DYM: variants seen among roughly 807,000 people sequenced by gnomAD.
The protein encoded by DYM is dyggve-Melchior-Clausen syndrome protein.
DYM carries 78 observed loss-of-function variants against 93.1 expected under a neutral mutation model. The observed-to-expected ratio is 0.84, with a 90% CI of 0.70 to 1.01. The LOEUF (loss-of-function observed/expected upper bound fraction) is 1.01, where lower values mean the gene tolerates loss of function less well. DYM is among the 50% of genes least tolerant of loss of function. DYM has a pLI of 0.00. For synonymous variants in DYM, 321 were observed against 319.7 expected, an observed-to-expected ratio of 1.00 and a Z score of -0.04; for missense variants, 789 against 845.0, an observed-to-expected ratio of 0.93 and a Z score of 0.82.
At chr18:49,124,779 G>A (rs996668020) in intron 15 of DYM, among the ~76,000 whole-genome samples, 1 of 152,162 alleles carries the variant, frequency 6.6e-6, no homozygotes, top group African/African-American at 2.4e-5. Context: ...TATACTGTGG[G>A]AGGTTACAGC....
chr18:49,402,014 G>C (rs1323611784), intron 2 of DYM, among the ~76,000 whole-genome samples: 5 of 143,560 alleles, frequency 3.5e-5, no homozygotes, highest in African/African-American at 1.3e-4. Flanking sequence ...CAACAAGAGC[G>C]AAACTCTGTC....
chr18:49,426,611 A>G (rs2074316763), intron 2 of DYM, among the ~76,000 whole-genome samples: 1 of 152,140 alleles, frequency 6.6e-6, no homozygotes, highest in Non-Finnish European at 1.5e-5. Flanking sequence ...GGAAAAGGAA[A>G]TACCAATACC....
intron 5 of DYM, 25 bp from the exon 6 acceptor site, chr18:49,363,258 T>TC (rs756788572): frequency 1.3e-6 from 2 of 1,585,036 alleles, no homozygotes; most frequent in East Asian, 4.5e-5. Flanking sequence ...AAAAAGATTT[T>TC]TTTTTAACAA....
chr18:49,093,834 G>A (rs1003718289), intron 17 of DYM, among the ~76,000 whole-genome samples: 1 of 152,140 alleles, frequency 6.6e-6, no homozygotes, highest in Non-Finnish European at 1.5e-5. Flanking sequence ...CTGAATAGGA[G>A]CAAAGTGAAA....
At chr18:49,354,383 T>C (rs1261983066) in intron 6 of DYM, among the ~76,000 whole-genome samples, 1 of 152,032 alleles carries the variant, frequency 6.6e-6, no homozygotes, top group Non-Finnish European at 1.5e-5. Flanking sequence ...AATTTTAAAA[T>C]TTAAAGTTTC....
At chr18:49,083,251 G>A (rs968532193) in intron 17 of DYM, among the ~76,000 whole-genome samples, 2 of 152,160 alleles carry the variant, frequency 1.3e-5, no homozygotes, top group African/African-American at 2.4e-5. Context: ...TTGATTCTTG[G>A]TCTATTAAAA....
At chr18:49,179,914 T>G (rs1029495124) in intron 14 of DYM, among the ~76,000 whole-genome samples, 4 of 152,152 alleles carry the variant, frequency 2.6e-5, no homozygotes, top group Non-Finnish European at 4.4e-5. Flanking sequence ...CTGTTGAACT[T>G]CTTTAAAGTT....
chr18:49,405,577 T>C (rs1033478719), intron 2 of DYM, among the ~76,000 whole-genome samples: 3 of 152,178 alleles, frequency 2.0e-5, no homozygotes, highest in African/African-American at 7.2e-5. Context: ...GGGTTCTCTA[T>C]TCTGTTCCAT....
chr18:49,450,004 T>A (rs184895256), intron 1 of DYM, among the ~76,000 whole-genome samples: 1 of 152,318 alleles, frequency 6.6e-6, no homozygotes, highest in Admixed American at 6.5e-5. Context: ...ATAAAAACAG[T>A]GAAATGTGTT....
At chr18:49,083,582 C>T (rs867307167) in intron 17 of DYM, among the ~76,000 whole-genome samples, 3 of 152,154 alleles carry the variant, frequency 2.0e-5, no homozygotes, top group Non-Finnish European at 4.4e-5. Flanking sequence ...GTAGGATTCA[C>T]ATTATTTCTT....
intron 13 of DYM, among the ~76,000 whole-genome samples, chr18:49,223,461 C>A (rs964074348): frequency 1.3e-5 from 2 of 152,056 alleles, no homozygotes; most frequent in African/African-American, 4.8e-5. Context: ...AGACACATGA[C>A]TAATCAAATG....
intron 17 of DYM, among the ~76,000 whole-genome samples, chr18:49,045,329 A>T (rs1020963800): frequency 9.8e-5 from 15 of 152,360 alleles, no homozygotes; most frequent in Middle Eastern, 6.8e-3. Context: ...CAGGTGCTGC[A>T]TCCCCAAGGA....
chr18:49,229,159 TA>T (rs1298402651), intron 13 of DYM, among the ~76,000 whole-genome samples: 1 of 138,484 alleles, frequency 7.2e-6, no homozygotes, highest in Non-Finnish European at 1.6e-5. Context: ...AATAATCTAA[TA>T]ATTCCAAATT....
intron 2 of DYM, among the ~76,000 whole-genome samples, chr18:49,423,039 T>C (rs139277603): frequency 0.091 from 13,869 of 152,116 alleles, 848 homozygotes; most frequent in East Asian, 0.31. Flanking sequence ...CTGCACCAAG[T>C]GGACCTAATA....
intron 15 of DYM, among the ~76,000 whole-genome samples, chr18:49,152,175 AT>A (rs550092348): frequency 2.0e-5 from 3 of 152,274 alleles, no homozygotes; most frequent in East Asian, 1.9e-4. Flanking sequence ...TTTTTTAATA[AT>A]TTTTTTAAAA....
At chr18:49,228,926 T>A (rs1315817443) in intron 13 of DYM, among the ~76,000 whole-genome samples, 4 of 152,144 alleles carry the variant, frequency 2.6e-5, no homozygotes, top group Admixed American at 1.3e-4. Context: ...TTATCTCACA[T>A]CTGAATAAAC....
At chr18:49,293,571 T>A (rs553488215) in intron 8 of DYM, among the ~76,000 whole-genome samples, 1 of 152,260 alleles carries the variant, frequency 6.6e-6, no homozygotes, top group Non-Finnish European at 1.5e-5. Context: ...ATTTCTCTAA[T>A]GACCAGTGAT....
At chr18:49,364,101 TG>T (rs371019397) in intron 5 of DYM, among the ~76,000 whole-genome samples, 1 of 152,356 alleles carries the variant, frequency 6.6e-6, no homozygotes, top group African/African-American at 2.4e-5. Flanking sequence ...CATGCTTTTT[TG>T]TTCATTATCT....
At chr18:49,058,882 T>A (rs187813368) in intron 17 of DYM, among the ~76,000 whole-genome samples, 342 of 152,262 alleles carry the variant, frequency 2.2e-3, no homozygotes, top group African/African-American at 7.8e-3. Flanking sequence ...AAATTTGTTA[T>A]ACATAAGAAA....
Sources: allele counts gnomAD v4.1 joint callset (sites outside exome capture counted in the v4.1 genomes callset), GRCh38; gene constraint gnomAD v4.1.1; transcripts MANE v1.5; gene names NCBI Gene and HGNC (gene_info 2026-07-23, HGNC 2026-07-21).